The following NKAIN2 variants were observed in gnomAD, a reference collection of about 807,000 sequenced individuals.
NKAIN2 encodes the protein sodium/potassium transporting ATPase interacting 2.
NKAIN2 carries 14 observed loss-of-function variants against 32.6 expected under a neutral mutation model. The observed-to-expected ratio is 0.43, with a 90% CI of 0.28 to 0.67. NKAIN2 has a LOEUF of 0.67. Ranked by LOEUF, NKAIN2 falls within the 30% of genes least tolerant of loss-of-function variation. The pLI is 0.17. For synonymous variants in NKAIN2, 80 were observed against 87.2 expected (o/e 0.92, Z 0.46); for missense variants, 198 against 258.3 (o/e 0.77, Z 1.60).
intron 5 of NKAIN2, among the ~76,000 whole-genome samples, chr6:124,802,830 CTA>C (rs1242253930): frequency 6.6e-6 from 1 of 152,192 alleles, no homozygotes; most frequent in Admixed American, 6.5e-5. Flanking sequence ...CCACCTGAAC[CTA>C]TGTTTTTCTC....
chr6:124,373,855 G>A (rs1247815163), intron 3 of NKAIN2, among the ~76,000 whole-genome samples: 1 of 151,942 alleles, frequency 6.6e-6, no homozygotes, highest in African/African-American at 2.4e-5. Flanking sequence ...GAGGTGAGGT[G>A]AGAAAATGCA....
chr6:124,804,990 G>T (rs943657512), intron 5 of NKAIN2, among the ~76,000 whole-genome samples: 1 of 152,212 alleles, frequency 6.6e-6, no homozygotes, highest in African/African-American at 2.4e-5. Flanking sequence ...AAGCAGCCGG[G>T]AAGCTCGAAC....
chr6:124,197,574 G>A (rs950068486), intron 1 of NKAIN2, among the ~76,000 whole-genome samples: 2 of 151,978 alleles, frequency 1.3e-5, no homozygotes, highest in Non-Finnish European at 1.5e-5. Flanking sequence ...TCTTCATATC[G>A]TATTTGCTTT....
At chr6:124,189,371 A>T (rs1429303794) in intron 1 of NKAIN2, among the ~76,000 whole-genome samples, 1 of 152,162 alleles carries the variant, frequency 6.6e-6, no homozygotes, top group African/African-American at 2.4e-5. Flanking sequence ...TATTACAAAA[A>T]CAACTGCTAA....
At chr6:124,355,956 C>G (rs1434401541) in intron 3 of NKAIN2, among the ~76,000 whole-genome samples, 1 of 152,100 alleles carries the variant, frequency 6.6e-6, no homozygotes, top group African/African-American at 2.4e-5. Flanking sequence ...CTTCAGATCT[C>G]GAACACCATC....
At chr6:124,072,468 T>G (rs1304754057) in intron 1 of NKAIN2, among the ~76,000 whole-genome samples, 1 of 152,110 alleles carries the variant, frequency 6.6e-6, no homozygotes, top group African/African-American at 2.4e-5. Flanking sequence ...AAAGAGAAGT[T>G]GAAATTATTT....
At chr6:124,603,887 G>C (rs1401728979) in intron 3 of NKAIN2, among the ~76,000 whole-genome samples, 3 of 151,984 alleles carry the variant, frequency 2.0e-5, no homozygotes, top group African/African-American at 2.4e-5. Context: ...TCTCAGCAAG[G>C]TTGGTCTCAG....
intron 3 of NKAIN2, among the ~76,000 whole-genome samples, chr6:124,547,584 G>A (rs938386147): frequency 2.0e-5 from 3 of 152,286 alleles, no homozygotes; most frequent in African/African-American, 7.2e-5. Flanking sequence ...AACAGCTGGA[G>A]CCTAAAACTG....
At chr6:124,791,989 A>G (rs908383298) in intron 5 of NKAIN2, among the ~76,000 whole-genome samples, 25 of 152,116 alleles carry the variant, frequency 1.6e-4, no homozygotes, top group African/African-American at 6.0e-4. Flanking sequence ...TTTAGATCAC[A>G]GTACCCTCTT....
At chr6:124,479,701 A>C (rs1268492438) in intron 3 of NKAIN2, among the ~76,000 whole-genome samples, 1 of 152,206 alleles carries the variant, frequency 6.6e-6, no homozygotes, top group Admixed American at 6.6e-5. Flanking sequence ...TTGCCTTTTA[A>C]TTTGTATTTG....
chr6:123,859,252 T>G (rs796101190), intron 1 of NKAIN2, among the ~76,000 whole-genome samples: 32 of 152,294 alleles, frequency 2.1e-4, no homozygotes, highest in Admixed American at 6.5e-4. Flanking sequence ...AGTACATTTT[T>G]CCATATAGAT....
intron 3 of NKAIN2, among the ~76,000 whole-genome samples, chr6:124,538,376 T>C (rs1779792602): frequency 6.6e-6 from 1 of 152,134 alleles, no homozygotes; most frequent in South Asian, 2.1e-4. Context: ...AAACATCTTT[T>C]TCTTCTAAGG....
At chr6:124,242,764 C>T (rs989774122) in intron 1 of NKAIN2, among the ~76,000 whole-genome samples, 4 of 151,664 alleles carry the variant, frequency 2.6e-5, no homozygotes, top group South Asian at 4.2e-4. Flanking sequence ...AAACTGGAAA[C>T]CATTCCGGCA....
intron 3 of NKAIN2, among the ~76,000 whole-genome samples, chr6:124,434,060 G>A (rs1775335465): frequency 6.6e-6 from 1 of 152,138 alleles, no homozygotes; most frequent in South Asian, 2.1e-4. Flanking sequence ...TGAGCGTATA[G>A]CCTTCCAGCC....
chr6:124,523,532 T>TCACAGA (rs1318790851), intron 3 of NKAIN2, among the ~76,000 whole-genome samples: 1 of 151,302 alleles, frequency 6.6e-6, no homozygotes, highest in Non-Finnish European at 1.5e-5. Flanking sequence ...GAAATAAATA[T>TCACAGA]CACAGACACA....
At chr6:124,112,615 G>A (rs990731917) in intron 1 of NKAIN2, among the ~76,000 whole-genome samples, 5 of 152,142 alleles carry the variant, frequency 3.3e-5, no homozygotes, top group Non-Finnish European at 2.9e-5. Flanking sequence ...CCCCAGATTT[G>A]TGAAGCCTTC....
chr6:123,816,069 A>G (rs943246599), intron 1 of NKAIN2, among the ~76,000 whole-genome samples: 19 of 152,140 alleles, frequency 1.2e-4, no homozygotes, highest in African/African-American at 4.6e-4. Context: ...GATAGGGAGG[A>G]TTTCTATAGC....
intron 3 of NKAIN2, among the ~76,000 whole-genome samples, chr6:124,468,288 C>T (rs926553008): frequency 5.3e-5 from 8 of 152,168 alleles, no homozygotes; most frequent in East Asian, 3.9e-4. Context: ...AGCCCAGGTC[C>T]GTTAAAATGT....
At chr6:124,088,684 A>G (rs1784295932) in intron 1 of NKAIN2, among the ~76,000 whole-genome samples, 1 of 152,094 alleles carries the variant, frequency 6.6e-6, no homozygotes, top group Non-Finnish European at 1.5e-5. Flanking sequence ...AGCAGAGTCT[A>G]TAGAAAGAAA....
Sources: allele counts gnomAD v4.1 joint callset (sites outside exome capture counted in the v4.1 genomes callset), GRCh38; gene constraint gnomAD v4.1.1; transcripts MANE v1.5; gene names NCBI Gene and HGNC (gene_info 2026-07-23, HGNC 2026-07-21).